PACRG: variants seen among roughly 807,000 people sequenced by gnomAD.
PACRG encodes the protein parkin coregulated gene protein.
In PACRG, 29 loss-of-function variants were observed where a neutral mutation model predicts 29.7. The ratio of observed to expected loss-of-function variants is 0.98; its 90% confidence interval spans 0.73 to 1.33. The LOEUF (loss-of-function observed/expected upper bound fraction) is 1.33, where lower values mean the gene tolerates loss of function less well. Ranked by LOEUF, PACRG falls within the 40% of genes most tolerant of loss-of-function variation. The pLI is 0.00. For synonymous variants in PACRG, 116 were observed against 118.7 expected, an observed-to-expected ratio of 0.98 and a Z score of 0.15; for missense variants, 279 against 316.2, an observed-to-expected ratio of 0.88 and a Z score of 0.89.
intron 4 of PACRG, among the ~76,000 whole-genome samples, chr6:163,098,984 G>C (rs1233935681): frequency 2.0e-5 from 3 of 152,082 alleles, no homozygotes; most frequent in Admixed American, 6.5e-5. Context: ...TCTTTACTGC[G>C]ACCTATTTCA....
chr6:163,226,125 C>T (rs148737580), intron 4 of PACRG, among the ~76,000 whole-genome samples: 6 of 152,276 alleles, frequency 3.9e-5, no homozygotes, highest in African/African-American at 9.6e-5. Context: ...ACAAAAACTG[C>T]GTGATCTCAC....
chr6:162,951,081 A>G (rs1461814311), intron 2 of PACRG, among the ~76,000 whole-genome samples: 6 of 152,152 alleles, frequency 3.9e-5, no homozygotes, highest in African/African-American at 1.4e-4. Flanking sequence ...TTTCCCTGTA[A>G]GTTGGGTATT....
At chr6:163,246,427 GCTTT>G (rs367685482) in intron 4 of PACRG, among the ~76,000 whole-genome samples, 152 of 152,224 alleles carry the variant, frequency 1.0e-3, no homozygotes, top group African/African-American at 3.2e-3. Flanking sequence ...CCACATGGAG[GCTTT>G]CTAAGTGATC....
At chr6:163,012,108 G>A (rs1024954026) in intron 2 of PACRG, among the ~76,000 whole-genome samples, 3 of 152,190 alleles carry the variant, frequency 2.0e-5, no homozygotes, top group African/African-American at 7.2e-5. Flanking sequence ...GTTTCATGAG[G>A]ACAAGGAGCA....
At chr6:163,221,974 G>A (rs1406504391) in intron 4 of PACRG, among the ~76,000 whole-genome samples, 1 of 152,188 alleles carries the variant, frequency 6.6e-6, no homozygotes, top group African/African-American at 2.4e-5. Flanking sequence ...AATACAGACA[G>A]GCTGCACCCT....
chr6:162,901,730 CT>C (rs1434383416), intron 2 of PACRG, among the ~76,000 whole-genome samples: 3 of 152,298 alleles, frequency 2.0e-5, no homozygotes, highest in East Asian at 1.9e-4. Context: ...TTGTTAAACA[CT>C]TTATTTGTTA....
At chr6:162,850,882 G>A (rs1790797920) in intron 2 of PACRG, among the ~76,000 whole-genome samples, 1 of 152,232 alleles carries the variant, frequency 6.6e-6, no homozygotes, top group Non-Finnish European at 1.5e-5. Flanking sequence ...TGCAAATGGT[G>A]TCTGGGGGAG....
At chr6:162,727,787 G>A (rs1230762405), upstream of PACRG, 1 of 1,113,970 alleles carries the variant, frequency 9.0e-7, no homozygotes, top group Admixed American at 2.1e-5. Flanking sequence ...CCGCCCCCGC[G>A]CCCGGCCCTA....
At chr6:162,754,663 C>T (rs1781764164) in intron 1 of PACRG, among the ~76,000 whole-genome samples, 1 of 151,804 alleles carries the variant, frequency 6.6e-6, no homozygotes, top group African/African-American at 2.4e-5. Context: ...ATATAAGAGC[C>T]TAATTTTATT....
chr6:163,271,031 C>A (rs956803192), intron 4 of PACRG, among the ~76,000 whole-genome samples: 7 of 152,208 alleles, frequency 4.6e-5, no homozygotes, highest in African/African-American at 1.7e-4. Flanking sequence ...GAAGCCAGTT[C>A]GAGTCCCAAA....
intron 1 of PACRG, among the ~76,000 whole-genome samples, chr6:162,767,306 TG>T (rs1782875706): frequency 6.6e-6 from 1 of 151,954 alleles, no homozygotes; most frequent in Non-Finnish European, 1.5e-5. Flanking sequence ...TTCTTTCAGT[TG>T]TTATATATTT....
At chr6:162,975,894 G>A (rs543228404) in intron 2 of PACRG, among the ~76,000 whole-genome samples, 7 of 151,028 alleles carry the variant, frequency 4.6e-5, no homozygotes, top group Admixed American at 4.6e-4. Flanking sequence ...ACCGAGTACT[G>A]CACTGTAAAT....
intron 4 of PACRG, among the ~76,000 whole-genome samples, chr6:163,136,264 C>T (rs1816933486): frequency 6.6e-6 from 1 of 152,152 alleles, no homozygotes; most frequent in Admixed American, 6.5e-5. Context: ...GTGAAGTTTC[C>T]CTTTGTGCAT....
chr6:163,284,370 C>T (rs963300540), intron 4 of PACRG, among the ~76,000 whole-genome samples: 4 of 152,264 alleles, frequency 2.6e-5, no homozygotes, highest in South Asian at 2.1e-4. Context: ...CCGTTCCAGC[C>T]GGTATCACTG....
chr6:162,968,243 A>T (rs1801215612), intron 2 of PACRG, among the ~76,000 whole-genome samples: 1 of 152,252 alleles, frequency 6.6e-6, no homozygotes, highest in African/African-American at 2.4e-5. Flanking sequence ...TTATGAAAGT[A>T]AACATCTGGT....
At chr6:162,727,544 C>T (rs1779332691), upstream of PACRG, 2 of 1,179,752 alleles carry the variant, frequency 1.7e-6, no homozygotes, top group Non-Finnish European at 1.2e-6. Context: ...GGCACGGGCA[C>T]TTTGGCCCCG....
At chr6:162,857,579 G>A (rs1038406001) in intron 2 of PACRG, among the ~76,000 whole-genome samples, 2 of 152,194 alleles carry the variant, frequency 1.3e-5, no homozygotes, top group African/African-American at 4.8e-5. Flanking sequence ...GAAGAATGAA[G>A]CTCTAACAAG....
At chr6:163,191,473 G>A in intron 4 of PACRG, 1 of 359,592 alleles carries the variant, frequency 2.8e-6, no homozygotes, top group South Asian at 2.1e-5. Context: ...ACCACCCTTG[G>A]GGGAGGTCAC....
At chr6:162,783,427 T>A (rs1784238300) in intron 1 of PACRG, among the ~76,000 whole-genome samples, 1 of 151,952 alleles carries the variant, frequency 6.6e-6, no homozygotes, top group African/African-American at 2.4e-5. Context: ...CCTCCTTTCT[T>A]TCTCCTCTCC....
Sources: gnomAD v4.1 joint callset for allele counts (sites outside exome capture counted in the v4.1 genomes callset) on GRCh38, gnomAD v4.1.1 for gene constraint, MANE v1.5 for transcripts, NCBI Gene and HGNC (gene_info 2026-07-23, HGNC 2026-07-21) for gene names.